The following LSAMP variants were observed in gnomAD, a reference collection of about 807,000 sequenced individuals.
LSAMP encodes the protein limbic system associated membrane protein.
A neutral mutation model predicts 38.6 loss-of-function variants in LSAMP; 7 were observed. That is an observed-to-expected ratio of 0.18 (90% CI 0.10 to 0.34). LSAMP has a LOEUF of 0.34. Among genes scored for constraint, LSAMP ranks in the 10% least tolerant of loss-of-function variants. LSAMP has a pLI of 1.00. For synonymous variants in LSAMP, 154 were observed against 166.8 expected (o/e 0.92, Z 0.59); for missense variants, 313 against 420.0 (o/e 0.75, Z 2.23).
chr3:116,434,814 T>G (rs1051553811), intron 1 of LSAMP, among the ~76,000 whole-genome samples: 1 of 152,120 alleles, frequency 6.6e-6, no homozygotes, highest in African/African-American at 2.4e-5. Flanking sequence ...CCTCCCAAAG[T>G]GTTGGGATTA....
intron 3 of LSAMP, among the ~76,000 whole-genome samples, chr3:115,871,595 G>A (rs539924008): frequency 6.9e-6 from 1 of 144,486 alleles, no homozygotes; most frequent in Non-Finnish European, 1.5e-5. Context: ...GTGTGTGTGT[G>A]TGTGTGTGTG....
At chr3:116,130,689 T>C (rs1044810941) in intron 1 of LSAMP, among the ~76,000 whole-genome samples, 32 of 152,208 alleles carry the variant, frequency 2.1e-4, no homozygotes, top group Non-Finnish European at 3.8e-4. Context: ...TTTTTAAGTA[T>C]TTTGTAAATA....
At chr3:116,349,097 G>C (rs2048103011) in intron 1 of LSAMP, among the ~76,000 whole-genome samples, 1 of 151,964 alleles carries the variant, frequency 6.6e-6, no homozygotes, top group Non-Finnish European at 1.5e-5. Context: ...TAATGAATAG[G>C]ACTATTGGGA....
intron 3 of LSAMP, among the ~76,000 whole-genome samples, chr3:115,949,445 A>G (rs1304714192): frequency 6.6e-6 from 1 of 151,974 alleles, no homozygotes; most frequent in Non-Finnish European, 1.5e-5. Context: ...CAAGGCTACT[A>G]TGAACACCTT....
intron 1 of LSAMP, among the ~76,000 whole-genome samples, chr3:116,366,117 A>G (rs2048350091): frequency 6.6e-6 from 1 of 151,042 alleles, no homozygotes; most frequent in Non-Finnish European, 1.5e-5. Context: ...TTTGCAGTCT[A>G]TCCATCTCAC....
intron 1 of LSAMP, among the ~76,000 whole-genome samples, chr3:116,248,561 G>A (rs536291235): frequency 2.0e-5 from 3 of 148,946 alleles, no homozygotes; most frequent in South Asian, 4.2e-4. Context: ...AGAGTAAACC[G>A]TTTAGTTTAT....
intron 3 of LSAMP, among the ~76,000 whole-genome samples, chr3:115,978,352 T>C (rs1423707564): frequency 6.6e-6 from 1 of 152,148 alleles, no homozygotes; most frequent in African/African-American, 2.4e-5. Flanking sequence ...GCAGACATGA[T>C]AATCCTCATT....
At chr3:116,343,018 G>A (rs1260361435) in intron 1 of LSAMP, among the ~76,000 whole-genome samples, 2 of 152,090 alleles carry the variant, frequency 1.3e-5, no homozygotes, top group Admixed American at 6.6e-5. Flanking sequence ...ACAATACTAA[G>A]GAGATACAGT....
At chr3:115,904,647 A>C (rs1025005816) in intron 3 of LSAMP, among the ~76,000 whole-genome samples, 3 of 152,122 alleles carry the variant, frequency 2.0e-5, no homozygotes, top group African/African-American at 7.2e-5. Context: ...TGATCTTTCT[A>C]AAATGCGAAT....
At chr3:116,131,942 C>T (rs11714784) in intron 1 of LSAMP, among the ~76,000 whole-genome samples, 80,383 of 151,466 alleles carry the variant, frequency 0.53, 22,482 homozygotes, top group East Asian at 0.75. Context: ...ATTCTCGTGC[C>T]TCAGTCTCCC....
chr3:116,283,137 C>G (rs1339460182), intron 1 of LSAMP, among the ~76,000 whole-genome samples: 1 of 151,508 alleles, frequency 6.6e-6, no homozygotes, highest in East Asian at 1.9e-4. Context: ...CCTCCCTCCC[C>G]AAAGTCCCAA....
chr3:116,359,297 T>A (rs115105346), intron 1 of LSAMP, among the ~76,000 whole-genome samples: 1 of 152,202 alleles, frequency 6.6e-6, no homozygotes, highest in South Asian at 2.1e-4. Context: ...TTGTATGTGA[T>A]ACCAACTCAA....
At chr3:116,359,936 A>T (rs1218137244) in intron 1 of LSAMP, 1 of 152,314 alleles carries the variant, frequency 6.6e-6, no homozygotes, top group Non-Finnish European at 1.5e-5. Context: ...TTCGTGATGA[A>T]GATGCCAAAA....
intron 1 of LSAMP, among the ~76,000 whole-genome samples, chr3:116,213,072 C>T (rs942896036): frequency 1.3e-5 from 2 of 152,132 alleles, no homozygotes; most frequent in Non-Finnish European, 2.9e-5. Context: ...ACCAATTTTG[C>T]TCTTATAATA....
At chr3:116,011,418 G>T (rs1940321286) in intron 3 of LSAMP, among the ~76,000 whole-genome samples, 1 of 152,134 alleles carries the variant, frequency 6.6e-6, no homozygotes, top group Non-Finnish European at 1.5e-5. Flanking sequence ...AGGCCAAAAA[G>T]CAAGTGAATA....
chr3:116,010,102 A>T (rs1000178668), intron 3 of LSAMP, among the ~76,000 whole-genome samples: 1 of 152,092 alleles, frequency 6.6e-6, no homozygotes, highest in Non-Finnish European at 1.5e-5. Context: ...CTTTTAGTAG[A>T]GATGGGGTTT....
chr3:116,124,346 C>T (rs1356818798), intron 1 of LSAMP, among the ~76,000 whole-genome samples: 1 of 152,140 alleles, frequency 6.6e-6, no homozygotes, highest in Non-Finnish European at 1.5e-5. Context: ...TGTGGGCTGC[C>T]TCTGAGTTGC....
chr3:115,931,855 G>A (rs1174634458), intron 3 of LSAMP, among the ~76,000 whole-genome samples: 1 of 152,100 alleles, frequency 6.6e-6, no homozygotes, highest in South Asian at 2.1e-4. Context: ...AACAAAGGAC[G>A]AGTAAATAGC....
At chr3:116,258,702 G>A (rs1017408866) in intron 1 of LSAMP, among the ~76,000 whole-genome samples, 5 of 152,086 alleles carry the variant, frequency 3.3e-5, no homozygotes, top group Non-Finnish European at 7.4e-5. Flanking sequence ...TTAAAATCAT[G>A]TGTTTGCCCT....
Sources: allele counts gnomAD v4.1 joint callset (sites outside exome capture counted in the v4.1 genomes callset), GRCh38; gene constraint gnomAD v4.1.1; transcripts MANE v1.5; gene names NCBI Gene and HGNC (gene_info 2026-07-23, HGNC 2026-07-21).